The following CAMK1D variants were observed in gnomAD, a reference collection of about 807,000 sequenced individuals.
CAMK1D encodes calcium/calmodulin dependent protein kinase ID.
A neutral mutation model predicts 47.7 loss-of-function variants in CAMK1D; 9 were observed. The observed-to-expected ratio is 0.19, with a 90% CI of 0.11 to 0.33. CAMK1D has a LOEUF of 0.33. Among genes scored for constraint, CAMK1D ranks in the 10% least tolerant of loss-of-function variants. CAMK1D has a pLI of 1.00. For synonymous variants in CAMK1D, 184 were observed against 184.9 expected (o/e 0.99, Z 0.04); for missense variants, 291 against 488.7 (o/e 0.60, Z 3.81).
chr10:12,755,526 G>T (rs1320790260), intron 3 of CAMK1D, among the ~76,000 whole-genome samples: 1 of 152,144 alleles, frequency 6.6e-6, no homozygotes, highest in Admixed American at 6.5e-5. Flanking sequence ...CAGTAATGGG[G>T]TTGCTGGGTT....
chr10:12,714,798 AC>A (rs1834062400), intron 3 of CAMK1D, among the ~76,000 whole-genome samples: 1 of 150,316 alleles, frequency 6.7e-6, no homozygotes, highest in Non-Finnish European at 1.5e-5. Context: ...ACACACACAC[AC>A]ACACACAATG....
intron 5 of CAMK1D, among the ~76,000 whole-genome samples, chr10:12,776,581 A>G (rs1406289866): frequency 6.6e-6 from 1 of 152,186 alleles, no homozygotes; most frequent in Non-Finnish European, 1.5e-5. Flanking sequence ...CAATCAGTAC[A>G]TGACCTTTTC....
intron 2 of CAMK1D, among the ~76,000 whole-genome samples, chr10:12,585,766 C>T (rs1164040132): frequency 6.6e-6 from 1 of 152,198 alleles, no homozygotes; most frequent in Non-Finnish European, 1.5e-5. Context: ...ATGGGAGCTA[C>T]AATGCAAGAT....
intron 3 of CAMK1D, among the ~76,000 whole-genome samples, chr10:12,719,751 C>T (rs1307675398): frequency 6.6e-6 from 1 of 152,204 alleles, no homozygotes; most frequent in African/African-American, 2.4e-5. Flanking sequence ...CACTTTTTAC[C>T]TGGCAAGGCT....
chr10:12,708,410 C>T (rs1046633491), intron 3 of CAMK1D, among the ~76,000 whole-genome samples: 2 of 152,158 alleles, frequency 1.3e-5, no homozygotes, highest in Admixed American at 6.5e-5. Context: ...GGAAGAGTAA[C>T]GCATATGCTG....
chr10:12,604,093 C>G (rs1373804616), intron 2 of CAMK1D, among the ~76,000 whole-genome samples: 3 of 130,736 alleles, frequency 2.3e-5, no homozygotes, highest in African/African-American at 7.4e-5. Context: ...ATACTGGGAT[C>G]GCTCCTGTCA....
intron 3 of CAMK1D, among the ~76,000 whole-genome samples, chr10:12,711,246 T>G (rs921446084): frequency 6.6e-6 from 1 of 152,158 alleles, no homozygotes; most frequent in African/African-American, 2.4e-5. Flanking sequence ...ATCTAGCCAT[T>G]TTCAGCAGTG....
intron 2 of CAMK1D, among the ~76,000 whole-genome samples, chr10:12,613,343 A>T (rs977681988): frequency 2.0e-5 from 3 of 152,232 alleles, no homozygotes; most frequent in Admixed American, 6.5e-5. Context: ...AGCCTGTGGC[A>T]TTACACGAGA....
chr10:12,713,877 A>T (rs1355423014), intron 3 of CAMK1D, among the ~76,000 whole-genome samples: 1 of 152,280 alleles, frequency 6.6e-6, no homozygotes, highest in Non-Finnish European at 1.5e-5. Flanking sequence ...ATGTATAATT[A>T]TCCAGTGGGC....
intron 6 of CAMK1D, among the ~76,000 whole-genome samples, chr10:12,813,860 A>C (rs566684530): frequency 6.6e-6 from 1 of 151,806 alleles, no homozygotes; most frequent in Admixed American, 6.5e-5. Flanking sequence ...TCCCAGGCTC[A>C]AGGATTCTCC....
chr10:12,777,308 G>A (rs1837295638), intron 5 of CAMK1D, among the ~76,000 whole-genome samples: 1 of 147,074 alleles, frequency 6.8e-6, no homozygotes, highest in South Asian at 2.2e-4. Flanking sequence ...TCACATAGAA[G>A]TTATCACATG....
chr10:12,626,233 T>C, intron 2 of CAMK1D, among the ~76,000 whole-genome samples: 1 of 152,088 alleles, frequency 6.6e-6, no homozygotes, highest in Middle Eastern at 3.2e-3. Context: ...ACAAATAACA[T>C]TAACAATAAC....
At chr10:12,350,140 A>C (rs1837308230) in intron 1 of CAMK1D, among the ~76,000 whole-genome samples, 1 of 151,982 alleles carries the variant, frequency 6.6e-6, no homozygotes, top group Non-Finnish European at 1.5e-5. Flanking sequence ...CCGGGCTGTC[A>C]GGGAGCAGCC....
At chr10:12,558,548 C>G (rs1207081382) in intron 2 of CAMK1D, among the ~76,000 whole-genome samples, 1 of 69,230 alleles carries the variant, frequency 1.4e-5, no homozygotes, top group Non-Finnish European at 3.9e-5. Flanking sequence ...GAGCAAAACT[C>G]CATCTCAAAA....
At chr10:12,376,744 TTTTTC>T (rs748681170) in intron 1 of CAMK1D, among the ~76,000 whole-genome samples, 4 of 150,734 alleles carry the variant, frequency 2.7e-5, no homozygotes, top group East Asian at 1.9e-4. Flanking sequence ...GTAACCATTT[TTTTTC>T]TTTTCTTTTC....
intron 2 of CAMK1D, among the ~76,000 whole-genome samples, chr10:12,591,551 A>G (rs1318987516): frequency 6.6e-6 from 1 of 152,180 alleles, no homozygotes; most frequent in East Asian, 1.9e-4. Context: ...CTCTGAATAA[A>G]TAGCTTCGGC....
chr10:12,758,325 C>A (rs1836330542), intron 3 of CAMK1D, among the ~76,000 whole-genome samples: 1 of 151,586 alleles, frequency 6.6e-6, no homozygotes. Context: ...TTGAAAAGTA[C>A]AAAGAGATTT....
intron 3 of CAMK1D, among the ~76,000 whole-genome samples, chr10:12,697,864 G>T (rs1210929103): frequency 6.6e-6 from 1 of 152,202 alleles, no homozygotes; most frequent in East Asian, 1.9e-4. Context: ...CCATTTCACA[G>T]CCATGGGGTG....
intron 1 of CAMK1D, among the ~76,000 whole-genome samples, chr10:12,446,069 A>C (rs1430797156): frequency 6.6e-6 from 1 of 152,156 alleles, no homozygotes; most frequent in African/African-American, 2.4e-5. Context: ...CTTTGCCTCA[A>C]TTATTACTTC....
Sources: allele counts gnomAD v4.1 joint callset (sites outside exome capture counted in the v4.1 genomes callset), GRCh38; gene constraint gnomAD v4.1.1; transcripts MANE v1.5; gene names NCBI Gene and HGNC (gene_info 2026-07-23, HGNC 2026-07-21).